Variants in PLAAT3 observed in about 807,000 individuals in gnomAD.
The protein encoded by PLAAT3 is Ca-independent phospholipase A1/2.
Under a neutral mutation model 16.7 loss-of-function variants are expected in PLAAT3, and 21 were observed. The ratio of observed to expected loss-of-function variants is 1.26; its 90% CI spans 0.89 to 1.81. The LOEUF (loss-of-function observed/expected upper bound fraction) is 1.81. Among genes scored for constraint, PLAAT3 ranks in the 40% most tolerant of loss-of-function variants. The pLI is 0.00. For synonymous variants in PLAAT3, 76 were observed against 81.7 expected (o/e 0.93, Z 0.38); for missense variants, 219 against 213.7 (o/e 1.02, Z -0.16).
rs1272329292 is a variant in PLAAT3 at position 63,598,116 on chromosome 11, G to A, written c.63C>T (p.Tyr21=). The part of the protein sequence containing the change: ...GDLIEIFRPF[Y]RHWAIYVGDG... ...CGCCAACATAGATGGCCCAGTGTCT[G>A]TAGAAAGGGCGAAAAATCTCAATCA... The change falls in exon 3 of 5, where the codon TAC becomes TAT. Residue 21 remains tyrosine (Y), a synonymous_variant. Transcript: ENST00000415826. The A allele has an allele frequency of 1.2e-6, 2 of 1,613,994 alleles. No individual in the cohort carries two copies. Among genetic ancestry groups the A allele is most frequent in the East Asian group, 2.2e-5 (1 of 44,890 alleles).
At chr11:63,600,996 CTT>C (rs1056147718) in intron 2 of PLAAT3, among the ~76,000 whole-genome samples, 11 of 148,078 alleles carry the variant, frequency 7.4e-5, no homozygotes, top group African/African-American at 2.0e-4. Context: ...TAAGTTATAA[CTT>C]AATTTTTTTT....
chr11:63,605,543 CTTTGTTTTTGTT>C (rs113737539), intron 2 of PLAAT3, among the ~76,000 whole-genome samples: 10 of 151,878 alleles, frequency 6.6e-5, no homozygotes, highest in Non-Finnish European at 1.0e-4. Flanking sequence ...CTTTTTTGTT[CTTTGTTTTTGTT>C]TTTGTTTTTG....
chr11:63,599,328 G>A (rs1938367047), intron 2 of PLAAT3, among the ~76,000 whole-genome samples: 1 of 152,118 alleles, frequency 6.6e-6, no homozygotes, highest in Non-Finnish European at 1.5e-5. Flanking sequence ...CTTGCACCTT[G>A]AGTCAGATCC....
chr11:63,586,208 A>C (rs1026744060), intron 4 of PLAAT3, among the ~76,000 whole-genome samples: 10 of 152,132 alleles, frequency 6.6e-5, no homozygotes, highest in African/African-American at 2.4e-4. Context: ...ATCTTGGCTC[A>C]CTGCAACCTC....
chr11:63,582,415 AAACAAG>A (rs1256097468), intron 4 of PLAAT3, among the ~76,000 whole-genome samples: 9 of 152,228 alleles, frequency 5.9e-5, no homozygotes, highest in African/African-American at 1.7e-4. Context: ...CAAGCAAAAT[AAACAAG>A]AACTTGTAGG....
upstream of PLAAT3, among the ~76,000 whole-genome samples, chr11:63,615,012 C>A: frequency 1.9e-5 from 1 of 52,240 alleles, no homozygotes; most frequent in Non-Finnish European, 4.7e-5. Flanking sequence ...GAAACTCAGT[C>A]TCAAAATATA....
In PLAAT3 at chr11:63,574,934, G is replaced by C; in HGVS notation, c.*11C>G. 2 of 1,532,036 alleles carry C rather than the reference G, an allele frequency of 1.3e-6. No homozygotes were observed. The highest frequency in any genetic ancestry group is 1.8e-6 in the Non-Finnish European group (2 of 1,104,924). The allele number at this position is 1,532,036 out of a possible 1,614,324, so 94.9% of individuals were successfully genotyped here. A position where few individuals can be genotyped will look rare whatever the true frequency, so the allele number is the denominator to read the frequency against. On this transcript the variant is annotated 3_prime_UTR_variant, in exon 5 of 5. Transcript: ENST00000415826. The stretch of plus-strand genomic sequence containing the variant: ...GTATAAAGTCATCGCTGACAGGACA[G>C]TCTTTTTCAGTTATTGCTTTTGTCG...
At chr11:63,584,444 G>A (rs1035134850) in intron 4 of PLAAT3, among the ~76,000 whole-genome samples, 5 of 148,540 alleles carry the variant, frequency 3.4e-5, no homozygotes, top group Non-Finnish European at 6.0e-5. Flanking sequence ...CACAAATTAC[G>A]TTTTAGTTTA....
intron 2 of PLAAT3, among the ~76,000 whole-genome samples, chr11:63,602,294 A>C (rs1412123385): frequency 6.6e-6 from 1 of 152,112 alleles, no homozygotes; most frequent in Admixed American, 6.6e-5. Flanking sequence ...TCAAAAAAAA[A>C]AAAAATGATG....
At chr11:63,582,143 A>G (rs1278924105) in intron 4 of PLAAT3, among the ~76,000 whole-genome samples, 2 of 152,246 alleles carry the variant, frequency 1.3e-5, no homozygotes, top group Non-Finnish European at 2.9e-5. Context: ...TAGCATGTTG[A>G]GGACTGCCAT....
chr11:63,605,291 G>C (rs1256428504), intron 2 of PLAAT3, among the ~76,000 whole-genome samples: 1 of 151,954 alleles, frequency 6.6e-6, no homozygotes, highest in South Asian at 2.1e-4. Flanking sequence ...TCAGCTACTC[G>C]GGAGGCTGAG....
At chr11:63,606,453 CACACACACA>C (rs1938565541) in intron 2 of PLAAT3, among the ~76,000 whole-genome samples, 3 of 152,024 alleles carry the variant, frequency 2.0e-5, no homozygotes, top group African/African-American at 7.2e-5. Flanking sequence ...CACACACACA[CACACACACA>C]CCTTAGTAAA....
At chr11:63,603,589 A>ACCTGCACAT (rs1372604681) in intron 2 of PLAAT3, among the ~76,000 whole-genome samples, 6 of 152,078 alleles carry the variant, frequency 3.9e-5, no homozygotes, top group African/African-American at 1.2e-4. Context: ...TTTGTGACAA[A>ACCTGCACAT]CCTGCACATC....
intron 2 of PLAAT3, among the ~76,000 whole-genome samples, chr11:63,611,141 T>C (rs1422969206): frequency 6.6e-6 from 1 of 152,128 alleles, no homozygotes; most frequent in Non-Finnish European, 1.5e-5. Flanking sequence ...AGGCTCTCGC[T>C]CTGTCACCCA....
chr11:63,591,280 G>C lies in PLAAT3; in HGVS notation c.119-912C>G, dbSNP rs549779122. 3.9e-5 allele frequency among the ~76,000 whole-genome samples: 6 copies of C among 152,326 alleles called. No individual in the cohort carries two copies. The South Asian group carries it at 8.3e-4, about 21-fold the overall frequency. ...ACCTGTGATCCCAGCTACTCAGGAG[G>C]CTGAGGCAGGAGGATCACTTGAGCC... On this transcript the variant is annotated intron_variant, in intron 3 of 4. Coordinates refer to ENST00000415826, the MANE Select transcript of PLAAT3 (RefSeq NM_001128203.2).
chr11:63,598,012 C>G, intron 3 of PLAAT3, 49 bp downstream of exon 3: 1 of 1,277,214 alleles, frequency 7.8e-7, no homozygotes, highest in Non-Finnish European at 1.1e-6. Flanking sequence ...CATCCCCTCT[C>G]TTCCCAGCCC....
chr11:63,582,783 A>G (rs1277384054), intron 4 of PLAAT3, among the ~76,000 whole-genome samples: 2 of 152,196 alleles, frequency 1.3e-5, no homozygotes, highest in South Asian at 2.1e-4. Flanking sequence ...CAAGATACGT[A>G]TATATTTTTA....
chr11:63,612,434 C>T (rs1938718006), intron 2 of PLAAT3, among the ~76,000 whole-genome samples: 1 of 152,220 alleles, frequency 6.6e-6, no homozygotes, highest in East Asian at 1.9e-4. Flanking sequence ...TTATAAATCT[C>T]TGCCAAACTA....
At chr11:63,615,174 A>G (rs1483872695), upstream of PLAAT3, among the ~76,000 whole-genome samples, 8 of 126,156 alleles carry the variant, frequency 6.3e-5, no homozygotes, top group African/African-American at 2.5e-4. Flanking sequence ...ATATGTGTGT[A>G]TATGTGTGTA....
Sources: allele counts gnomAD v4.1 joint callset (sites outside exome capture counted in the v4.1 genomes callset), GRCh38; gene constraint gnomAD v4.1.1; transcripts MANE v1.5; gene names NCBI Gene and HGNC (gene_info 2026-07-23, HGNC 2026-07-21).